The following BRAF variants were observed in gnomAD, a reference collection of about 807,000 sequenced individuals.
BRAF encodes the protein B-Raf proto-oncogene, serine/threonine kinase, also known as serine/threonine-protein kinase B-raf.
A neutral mutation model predicts 104.6 loss-of-function variants in BRAF; 16 were observed. The observed-to-expected ratio is 0.15, with a 90% CI of 0.10 to 0.23. BRAF has a LOEUF of 0.23. BRAF is among the 10% of genes least tolerant of loss of function. BRAF has a pLI of 1.00. For synonymous variants in BRAF, 310 were observed against 341.6 expected (o/e 0.91, Z 1.02); for missense variants, 541 against 937.3 (o/e 0.58, Z 5.52).
At chr7:140,853,607 C>A (rs535061113) in intron 1 of BRAF, among the ~76,000 whole-genome samples, 1 of 152,156 alleles carries the variant, frequency 6.6e-6, no homozygotes, top group Non-Finnish European at 1.5e-5. Flanking sequence ...CTGGAATGCT[C>A]TTCCCCTAAG....
chr7:140,725,719 A>G lies in BRAF; in HGVS notation c.*775T>C, dbSNP rs1169887074. The stretch of plus-strand genomic sequence containing the variant: ...TGGAGGAAAAAAAAAAAACCCAAAC[A>G]CTTATCTTCATTGCTGGACCCAATG... On this transcript the variant is annotated 3_prime_UTR_variant, in exon 20 of 20. Coordinates refer to ENST00000644969, the MANE Select transcript of BRAF (RefSeq NM_001374258.1). The G allele has an allele frequency of 9.4e-7, 1 of 1,059,606 alleles. No individual in the cohort carries two copies. Among genetic ancestry groups the G allele is most frequent in the Non-Finnish European group, 1.1e-6 (1 of 876,054 alleles). 65.6% of individuals were successfully genotyped at this position (1,059,606 alleles called of 1,614,324 possible). A position where few individuals can be genotyped will look rare whatever the true frequency, so the allele number is the denominator to read the frequency against.
At chr7:140,740,272 TTA>T in intron 17 of BRAF, 1 of 222,076 alleles carries the variant, frequency 4.5e-6, no homozygotes, top group Non-Finnish European at 8.9e-6. Context: ...CTTCTTTACT[TTA>T]AAAAAAAAAA....
chr7:140,809,005 C>CATAA lies in BRAF; in HGVS notation c.505-14_505-11dup, dbSNP rs1226048420. On this transcript the variant is annotated splice_polypyrimidine_tract_variant and intron_variant, in intron 3 of 19. Transcript: ENST00000644969. ...CACACCTTGCAGGTACCTATGGTAT[C>CATAA]ATAAATATATTGATAAGAGGTAAAG... 6.3e-7 allele frequency: 1 copy of CATAA among 1,596,156 alleles called. No homozygotes were observed. The highest frequency in any genetic ancestry group is 2.2e-5 in the East Asian group (1 of 44,698).
chr7:140,786,187 A>G (rs1801334210), intron 9 of BRAF, among the ~76,000 whole-genome samples: 1 of 152,126 alleles, frequency 6.6e-6, no homozygotes, highest in African/African-American at 2.4e-5. Flanking sequence ...ACAAACAGGA[A>G]AAAAAAAGCT....
At chr7:140,787,296 G>A (rs1289984735) in intron 9 of BRAF, among the ~76,000 whole-genome samples, 19 of 97,476 alleles carry the variant, frequency 1.9e-4, no homozygotes, top group African/African-American at 6.0e-4. Context: ...GCGAGACTCC[G>A]TCTCAAAAAA....
At position 140,777,067 on chromosome 7, in the gene BRAF, G is replaced by T; in HGVS notation, c.1659C>A (p.Ile553=). The change falls in exon 14 of 20, where the codon ATC becomes ATA. Residue 553 remains isoleucine, a synonymous_variant. Coordinates refer to ENST00000644969, the MANE Select transcript of BRAF (RefSeq NM_001374258.1). Reference sequence around the variant, plus strand: ...TTGTGGAATAGCCCATGAAGAGTAGGATATTCACATGTCGTGTTTTCCTGT... The same window carrying T: ...TTGTGGAATAGCCCATGAAGAGTAGTATATTCACATGTCGTGTTTTCCTGT... ...GVLRKTRHVN[I]LLFMGYSTKP... 2 of 1,613,922 alleles carry T rather than the reference G, an allele frequency of 1.2e-6. No individual in the cohort carries two copies. Among genetic ancestry groups the T allele is most frequent in the Non-Finnish European group, 1.7e-6 (2 of 1,179,902 alleles).
At chr7:140,846,080 G>A (rs1808512891) in intron 2 of BRAF, among the ~76,000 whole-genome samples, 1 of 152,048 alleles carries the variant, frequency 6.6e-6, no homozygotes, top group Non-Finnish European at 1.5e-5. Flanking sequence ...AACAGGGCAG[G>A]TGCTACAGAA....
chr7:140,832,664 C>T (rs536670480), intron 3 of BRAF, among the ~76,000 whole-genome samples: 1 of 152,054 alleles, frequency 6.6e-6, no homozygotes, highest in African/African-American at 2.4e-5. Flanking sequence ...GGGAGTATGA[C>T]GGACAAGAAC....
chr7:140,847,767 T>TATA (rs1808731546), intron 2 of BRAF, among the ~76,000 whole-genome samples: 1 of 152,126 alleles, frequency 6.6e-6, no homozygotes, highest in Non-Finnish European at 1.5e-5. Context: ...TGAGGTGGGG[T>TATA]ATAAGAAGGC....
intron 1 of BRAF, among the ~76,000 whole-genome samples, chr7:140,905,269 G>T (rs766570801): frequency 1.3e-5 from 2 of 152,150 alleles, no homozygotes; most frequent in Non-Finnish European, 2.9e-5. Flanking sequence ...TGAGAAATCT[G>T]TCTATTTCTT....
rs1445939779 is a variant in BRAF at position 140,724,450 on chromosome 7, G to C, written c.*2044C>G. The C allele has an allele frequency of 1.3e-5, 14 of 1,054,492 alleles. No individual in the cohort carries two copies. Among genetic ancestry groups the C allele is most frequent in the African/African-American group, 1.7e-5 (1 of 60,402 alleles). 65.3% of individuals were successfully genotyped at this position (1,054,492 alleles called of 1,614,324 possible). ...CAGAAGATGTTCTTCAAATCAGCGT[G>C]AATTATTTCCACCTTTGCAATTTCT... On this transcript the variant is annotated 3_prime_UTR_variant, in exon 20 of 20. Transcript: ENST00000644969.
intron 19 of BRAF, chr7:140,731,961 G>A (rs984434491): frequency 6.6e-6 from 1 of 151,146 alleles, no homozygotes; most frequent in African/African-American, 2.4e-5. Context: ...CACGAGGTCA[G>A]GAGATCGAGA....
chr7:140,733,515 C>CA (rs1442901855), intron 19 of BRAF: 1 of 152,142 alleles, frequency 6.6e-6, no homozygotes, highest in African/African-American at 2.4e-5. Flanking sequence ...ATTTTCTACA[C>CA]AACAAAGTGT....
At chr7:140,868,697 C>G (rs772238909) in intron 1 of BRAF, among the ~76,000 whole-genome samples, 17 of 152,088 alleles carry the variant, frequency 1.1e-4, no homozygotes, top group Non-Finnish European at 2.2e-4. Context: ...CCGCACTGTA[C>G]ACTTTAAATG....
Position 140,829,077 on chromosome 7 carries a change from T to G in BRAF, c.504+5532A>C, listed in dbSNP as rs572624723. Among the ~76,000 whole-genome samples, 13 of 152,288 alleles carry G rather than the reference T, an allele frequency of 8.5e-5. No homozygotes were observed. The East Asian group carries it at 1.5e-3, about 18-fold the overall frequency. On this transcript the variant is annotated intron_variant, in intron 3 of 19. Coordinates refer to ENST00000644969, the MANE Select transcript of BRAF (RefSeq NM_001374258.1). ...CTATTTTTCTGCTGGGTTTTGTCTT[T>G]TTCTTGCCAATTTTGAAGTGTTCTT...
chr7:140,752,502 G>A (rs1301449729), intron 16 of BRAF, among the ~76,000 whole-genome samples: 1 of 152,208 alleles, frequency 6.6e-6, no homozygotes, highest in Non-Finnish European at 1.5e-5. Context: ...ACCCTTTTAA[G>A]AATGCTGTTT....
At chr7:140,826,331 C>CT (rs369469034) in intron 3 of BRAF, among the ~76,000 whole-genome samples, 1 of 152,092 alleles carries the variant, frequency 6.6e-6, no homozygotes, top group Non-Finnish European at 1.5e-5. Context: ...TTCTACATTT[C>CT]TTTTTTTCTA....
chr7:140,921,861 C>G (rs963094634), intron 1 of BRAF, among the ~76,000 whole-genome samples: 1 of 150,932 alleles, frequency 6.6e-6, no homozygotes, highest in Non-Finnish European at 1.5e-5. Flanking sequence ...TAAAATGTGT[C>G]ATTACACACA....
rs1466320250 is a variant in BRAF at position 140,798,552 on chromosome 7, GC to G, written c.980+1809del. ...TGGGATTACAGGAGTGAGCCACCGC[GC>G]CCGGCCTTTTTTTTTTTTTTTTTTT... On this transcript the variant is annotated intron_variant, in intron 7 of 19. Transcript: ENST00000644969. 9.7e-5 allele frequency among the ~76,000 whole-genome samples: 14 copies of G among 144,754 alleles called. No homozygotes were observed. The South Asian group carries it at 1.6e-3, about 16-fold the overall frequency. 95.0% of individuals were successfully genotyped at this position (144,754 alleles called of 152,430 possible).
Sources: gnomAD v4.1 joint callset for allele counts (sites outside exome capture counted in the v4.1 genomes callset) on GRCh38, gnomAD v4.1.1 for gene constraint, MANE v1.5 for transcripts, NCBI Gene and HGNC (gene_info 2026-07-23, HGNC 2026-07-21) for gene names.